The following HIPK2 variants were observed in gnomAD, a reference collection of about 807,000 sequenced individuals.
HIPK2 encodes homeodomain interacting protein kinase 2, also known as homeodomain-interacting protein kinase 2.
A neutral mutation model predicts 113.7 loss-of-function variants in HIPK2; 27 were observed. The ratio of observed to expected loss-of-function variants is 0.24; its 90% CI spans 0.17 to 0.33. The LOEUF (loss-of-function observed/expected upper bound fraction) is 0.33, where lower values mean the gene tolerates loss of function less well. HIPK2 is among the 10% of genes least tolerant of loss of function. The pLI is 1.00. For missense variants in HIPK2, 1,257 were observed against 1,588.0 expected (o/e 0.79, Z 3.54); for synonymous variants, 631 against 642.2 (o/e 0.98, Z 0.26).
At chr7:139,724,162 G>A (rs184928837) in intron 1 of HIPK2, among the ~76,000 whole-genome samples, 23 of 152,034 alleles carry the variant, frequency 1.5e-4, no homozygotes, top group Admixed American at 1.4e-3. Context: ...GCATCTAAAT[G>A]GACATTTTTA....
intron 13 of HIPK2, among the ~76,000 whole-genome samples, chr7:139,582,492 C>T (rs1049377698): frequency 6.6e-6 from 1 of 152,242 alleles, no homozygotes; most frequent in Non-Finnish European, 1.5e-5. Flanking sequence ...GCTGCATCGT[C>T]ATGACGGTAC....
chr7:139,599,741 T>A (rs1171974359), intron 11 of HIPK2, among the ~76,000 whole-genome samples: 1 of 152,160 alleles, frequency 6.6e-6, no homozygotes, highest in Admixed American at 6.5e-5. Context: ...ATTATTATGG[T>A]AAATTGTTTC....
chr7:139,762,323 G>A (rs188544238), intron 1 of HIPK2, among the ~76,000 whole-genome samples: 2 of 152,334 alleles, frequency 1.3e-5, no homozygotes, highest in African/African-American at 4.8e-5. Flanking sequence ...GATGGTTTGA[G>A]AGAAGAAACA....
intron 2 of HIPK2, among the ~76,000 whole-genome samples, chr7:139,710,478 A>G (rs1389960695): frequency 6.6e-6 from 1 of 152,216 alleles, no homozygotes; most frequent in East Asian, 1.9e-4. Context: ...GGTTCACAAT[A>G]AATCTCTGTT....
intron 11 of HIPK2, among the ~76,000 whole-genome samples, chr7:139,598,782 A>G (rs1799311818): frequency 6.6e-6 from 1 of 152,250 alleles, no homozygotes; most frequent in Non-Finnish European, 1.5e-5. Context: ...TGCTAAGCTC[A>G]GTCCTGGGAC....
intron 1 of HIPK2, among the ~76,000 whole-genome samples, chr7:139,723,384 G>A (rs1358993601): frequency 6.6e-6 from 1 of 152,010 alleles, no homozygotes; most frequent in Non-Finnish European, 1.5e-5. Flanking sequence ...AGTAGAGATG[G>A]GGTTTCAGCA....
rs1264566587 is a variant in HIPK2 at position 139,567,571 on chromosome 7, C to T, written c.*5356G>A. The T allele has an allele frequency of 6.6e-6, 1 of 152,068 alleles. No homozygotes were observed. The highest frequency in any genetic ancestry group is 2.4e-5 in the African/African-American group (1 of 41,386). 9.4% of individuals were successfully genotyped at this position (152,068 alleles called of 1,614,324 possible). On this transcript the variant is annotated 3_prime_UTR_variant, in exon 15 of 15. Coordinates refer to ENST00000406875, the MANE Select transcript of HIPK2 (RefSeq NM_022740.5). Reference sequence around the variant, plus strand: ...AAAGGAACAGTTTCACCTTCCTTTCCAATTTGGTAAGGACATCTCTGGCCT... The same window carrying T: ...AAAGGAACAGTTTCACCTTCCTTTCTAATTTGGTAAGGACATCTCTGGCCT...
chr7:139,639,304 T>C (rs1277183388), intron 2 of HIPK2, among the ~76,000 whole-genome samples: 1 of 152,208 alleles, frequency 6.6e-6, no homozygotes, highest in African/African-American at 2.4e-5. Flanking sequence ...TGTTGGATGG[T>C]TGCTAAAGCA....
At chr7:139,744,561 T>C (rs961777201) in intron 1 of HIPK2, among the ~76,000 whole-genome samples, 1 of 152,228 alleles carries the variant, frequency 6.6e-6, no homozygotes, top group African/African-American at 2.4e-5. Context: ...AAGTGAACTT[T>C]CCGGTATGTG....
chr7:139,591,599 C>A (rs2116614971), intron 12 of HIPK2, among the ~76,000 whole-genome samples: 1 of 152,284 alleles, frequency 6.6e-6, no homozygotes, highest in South Asian at 2.1e-4. Flanking sequence ...GTCTCTTCTT[C>A]AAAATACACC....
intron 1 of HIPK2, among the ~76,000 whole-genome samples, chr7:139,756,031 C>T (rs894342770): frequency 1.3e-5 from 2 of 152,260 alleles, no homozygotes; most frequent in East Asian, 1.9e-4. Context: ...AGAAATCAGT[C>T]TGTCCCATTT....
intron 2 of HIPK2, among the ~76,000 whole-genome samples, chr7:139,695,450 G>A (rs1179772980): frequency 6.6e-6 from 1 of 152,202 alleles, no homozygotes; most frequent in Non-Finnish European, 1.5e-5. Context: ...ATGGGGCTGA[G>A]AACGCCAACC....
At chr7:139,686,792 G>C (rs9691966) in intron 2 of HIPK2, among the ~76,000 whole-genome samples, 61,606 of 152,162 alleles carry the variant, frequency 0.4, 13,193 homozygotes, top group Non-Finnish European at 0.46. Flanking sequence ...AAGCCTCGTT[G>C]ATAAAGCAGT....
At chr7:139,775,149 A>G (rs1796718966) in intron 1 of HIPK2, among the ~76,000 whole-genome samples, 1 of 152,168 alleles carries the variant, frequency 6.6e-6, no homozygotes, top group African/African-American at 2.4e-5. Context: ...GGAGCTCAAA[A>G]CCCACAAGGA....
intron 6 of HIPK2, among the ~76,000 whole-genome samples, chr7:139,624,653 T>C (rs1800362744): frequency 1.3e-5 from 2 of 152,186 alleles, no homozygotes; most frequent in South Asian, 4.1e-4. Context: ...GAACACCACG[T>C]TTACTTGGAT....
intron 9 of HIPK2, among the ~76,000 whole-genome samples, chr7:139,611,488 TTGATA>T (rs2116767649): frequency 6.6e-6 from 1 of 152,274 alleles, no homozygotes; most frequent in African/African-American, 2.4e-5. Flanking sequence ...GAAAGAACAT[TTGATA>T]TAATTCAATA....
chr7:139,636,165 C>T (rs75374268), intron 2 of HIPK2, among the ~76,000 whole-genome samples: 1,918 of 152,194 alleles, frequency 0.013, 39 homozygotes, highest in African/African-American at 0.044. Context: ...TTTTTTCACG[C>T]GGGTGATCAT....
chr7:139,758,117 A>T (rs1313389586), intron 1 of HIPK2, among the ~76,000 whole-genome samples: 1 of 152,226 alleles, frequency 6.6e-6, no homozygotes, highest in African/African-American at 2.4e-5. Flanking sequence ...GGAAATACCA[A>T]CAGGCTTTTT....
At chr7:139,670,203 G>A (rs1160333352) in intron 2 of HIPK2, among the ~76,000 whole-genome samples, 5 of 152,106 alleles carry the variant, frequency 3.3e-5, no homozygotes, top group East Asian at 1.9e-4. Context: ...TTTTCCGGGC[G>A]GGTTGGGGTT....
Sources: allele counts gnomAD v4.1 joint callset (sites outside exome capture counted in the v4.1 genomes callset), GRCh38; gene constraint gnomAD v4.1.1; transcripts MANE v1.5; gene names NCBI Gene and HGNC (gene_info 2026-07-23, HGNC 2026-07-21).